Variants in TMEM117 observed in about 807,000 individuals in gnomAD.
TMEM117 encodes the protein transmembrane protein 117.
In TMEM117, 27 loss-of-function variants were observed where a neutral mutation model predicts 52.4. That is an observed-to-expected ratio of 0.51 (90% CI 0.38 to 0.71). The LOEUF (loss-of-function observed/expected upper bound fraction) is 0.71, where lower values mean the gene tolerates loss of function less well. Among genes scored for constraint, TMEM117 ranks in the 30% least tolerant of loss-of-function variants. The pLI, the probability that TMEM117 is intolerant of heterozygous loss-of-function variation, is 0.00. For synonymous variants in TMEM117, 215 were observed against 206.3 expected (o/e 1.04, Z -0.36); for missense variants, 556 against 630.5 (o/e 0.88, Z 1.26).
chr12:44,075,603 C>T (rs1947369839), intron 3 of TMEM117, among the ~76,000 whole-genome samples: 1 of 152,134 alleles, frequency 6.6e-6, no homozygotes, highest in South Asian at 2.1e-4. Flanking sequence ...AGAGGATCCT[C>T]CTAGGAAAGG....
intron 5 of TMEM117, among the ~76,000 whole-genome samples, chr12:44,234,037 G>A (rs1949964015): frequency 6.6e-6 from 1 of 151,134 alleles, no homozygotes. Flanking sequence ...TTTGCCTCTA[G>A]GTTCATATAT....
intron 2 of TMEM117, among the ~76,000 whole-genome samples, chr12:43,920,103 C>T (rs7957074): frequency 0.17 from 26,057 of 151,822 alleles, 3,429 homozygotes; most frequent in African/African-American, 0.36. Flanking sequence ...TTACCATTTC[C>T]CCAGTTTCCT....
chr12:43,958,922 T>C (rs983325434), intron 3 of TMEM117, among the ~76,000 whole-genome samples: 1 of 152,134 alleles, frequency 6.6e-6, no homozygotes, highest in Non-Finnish European at 1.5e-5. Flanking sequence ...TTCTCCTGCC[T>C]CAGCCTCCCG....
chr12:44,206,289 G>A (rs1949565612), intron 4 of TMEM117, among the ~76,000 whole-genome samples: 1 of 152,136 alleles, frequency 6.6e-6, no homozygotes, highest in South Asian at 2.1e-4. Context: ...AATGCCTTGA[G>A]CAGTTTTCTG....
intron 3 of TMEM117, among the ~76,000 whole-genome samples, chr12:44,051,227 C>A (rs963698002): frequency 6.6e-6 from 1 of 152,084 alleles, no homozygotes; most frequent in Non-Finnish European, 1.5e-5. Context: ...TATGATAAAT[C>A]CTGTAGCATG....
intron 6 of TMEM117, among the ~76,000 whole-genome samples, chr12:44,341,079 A>G (rs139561989): frequency 1.7e-3 from 263 of 151,982 alleles, no homozygotes; most frequent in African/African-American, 6.0e-3. Context: ...AGCTCTTTGC[A>G]CTCTGGACCT....
intron 3 of TMEM117, among the ~76,000 whole-genome samples, chr12:44,024,286 G>T (rs141942640): frequency 1.3e-5 from 2 of 152,184 alleles, no homozygotes; most frequent in African/African-American, 2.4e-5. Context: ...CAGCAGAAAT[G>T]CCTTTGATGG....
intron 2 of TMEM117, among the ~76,000 whole-genome samples, chr12:43,915,483 A>T (rs1211371136): frequency 6.6e-6 from 1 of 152,070 alleles, no homozygotes; most frequent in Admixed American, 6.6e-5. Flanking sequence ...AACTTTCCTT[A>T]ATTTCAAATA....
intron 2 of TMEM117, among the ~76,000 whole-genome samples, chr12:43,873,906 T>C (rs988201274): frequency 2.0e-5 from 3 of 152,142 alleles, no homozygotes; most frequent in African/African-American, 7.2e-5. Flanking sequence ...TCATTTCTTT[T>C]ATTCTTCCAA....
At chr12:44,060,404 T>A (rs1947121548) in intron 3 of TMEM117, among the ~76,000 whole-genome samples, 2 of 152,084 alleles carry the variant, frequency 1.3e-5, no homozygotes, top group Admixed American at 1.3e-4. Context: ...TGCGGGAAAC[T>A]GGGAGAGTAT....
the TMEM117 span, among the ~76,000 whole-genome samples, chr12:43,808,903 C>G: frequency 1.6e-4 from 24 of 151,032 alleles, no homozygotes; most frequent in Non-Finnish European, 2.8e-4. Flanking sequence ...GCAAGGTGAC[C>G]AATCTTATGT....
intron 5 of TMEM117, among the ~76,000 whole-genome samples, chr12:44,232,739 A>G (rs1010088296): frequency 1.3e-5 from 2 of 151,352 alleles, no homozygotes; most frequent in Non-Finnish European, 3.0e-5. Context: ...ATTGATACAT[A>G]TTCCTTTATT....
At chr12:44,186,348 C>A (rs1949278050) in intron 4 of TMEM117, among the ~76,000 whole-genome samples, 1 of 152,164 alleles carries the variant, frequency 6.6e-6, no homozygotes, top group Non-Finnish European at 1.5e-5. Flanking sequence ...GGTTGGCAAA[C>A]CGAGCAAGAC....
chr12:44,183,423 A>T (rs1949232941), intron 4 of TMEM117, among the ~76,000 whole-genome samples: 1 of 152,210 alleles, frequency 6.6e-6, no homozygotes, highest in Non-Finnish European at 1.5e-5. Context: ...TTAATTATAA[A>T]GTGCTTTATA....
chr12:44,130,692 A>G (rs1948400099), intron 3 of TMEM117, among the ~76,000 whole-genome samples: 1 of 152,114 alleles, frequency 6.6e-6, no homozygotes, highest in African/African-American at 2.4e-5. Context: ...AAATATAGAT[A>G]GAATTTTGTG....
At chr12:44,172,362 A>G (rs993944873) in intron 4 of TMEM117, among the ~76,000 whole-genome samples, 1 of 152,178 alleles carries the variant, frequency 6.6e-6, no homozygotes, top group East Asian at 1.9e-4. Context: ...TTAGCTTCTG[A>G]TGGCTTGAGA....
intron 3 of TMEM117, among the ~76,000 whole-genome samples, chr12:44,038,686 C>T (rs756322147): frequency 2.0e-5 from 3 of 152,214 alleles, no homozygotes; most frequent in Admixed American, 6.5e-5. Context: ...CAACACCTGA[C>T]GGATCCTGTG....
intron 6 of TMEM117, among the ~76,000 whole-genome samples, chr12:44,344,562 A>C (rs188459570): frequency 4.6e-5 from 7 of 152,222 alleles, no homozygotes; most frequent in Admixed American, 4.6e-4. Context: ...ATTTGGGCAG[A>C]TATGGAGTGT....
rs190860291 is a variant in TMEM117 at position 44,146,064 on chromosome 12, A to T, written c.510+2440A>T. Among the ~76,000 whole-genome samples, 5 of 152,132 alleles carry T rather than the reference A, an allele frequency of 3.3e-5. No individual in the cohort carries two copies. In the East Asian group the frequency reaches 9.7e-4, roughly 29 times the overall value. ...TTAGCCTTTTTTCTTTTTTAACCAT[A>T]GGGAGGGGTCCAATTGCTGCAGCAC... On this transcript the variant is annotated intron_variant, in intron 4 of 7. Transcript: ENST00000266534.
Sources: gnomAD v4.1 joint callset for allele counts (sites outside exome capture counted in the v4.1 genomes callset) on GRCh38, gnomAD v4.1.1 for gene constraint, MANE v1.5 for transcripts, NCBI Gene and HGNC (gene_info 2026-07-23, HGNC 2026-07-21) for gene names.